The following ZFHX3 variants were observed in gnomAD, a reference collection of about 807,000 sequenced individuals.
ZFHX3 encodes the protein zinc finger homeobox protein 3.
ZFHX3 carries 42 observed loss-of-function variants against 279.1 expected under a neutral mutation model. That is an observed-to-expected ratio of 0.15 (90% CI 0.12 to 0.19). The LOEUF (loss-of-function observed/expected upper bound fraction) is 0.19, where lower values mean the gene tolerates loss of function less well. Among genes scored for constraint, ZFHX3 ranks in the 10% least tolerant of loss-of-function variants. ZFHX3 has a pLI of 1.00. For missense variants in ZFHX3, 4,981 were observed against 4,754.0 expected, an observed-to-expected ratio of 1.05 and a Z score of -1.40; for synonymous variants, 2,293 against 1,957.8, an observed-to-expected ratio of 1.17 and a Z score of -4.52.
Position 73,260,062 on chromosome 16 carries a change from G to C in ZFHX3, c.-1193-2926C>G, listed in dbSNP as rs528040085. Among the ~76,000 whole-genome samples, 26 of 152,054 alleles carry C rather than the reference G, an allele frequency of 1.7e-4. No individual in the cohort carries two copies. In the South Asian group the frequency reaches 5.4e-3, roughly 32 times the overall value. On this transcript the variant is annotated intron_variant, in intron 4 of 17. Transcript: ENST00000641206. The stretch of plus-strand genomic sequence containing the variant: ...TGTCAAGTCTCTTCAATTTCATTTA[G>C]CATGGAATAATTCTTTAGTCCTTTT...
chr16:73,460,615 A>ATTT, intron 2 of ZFHX3, among the ~76,000 whole-genome samples: 1 of 152,202 alleles, frequency 6.6e-6, no homozygotes, highest in East Asian at 1.9e-4. Flanking sequence ...AAGTCACTTG[A>ATTT]TTTTTCTGCA....
At chr16:73,084,000 A>G (rs1454206488) in intron 8 of ZFHX3, among the ~76,000 whole-genome samples, 1 of 152,168 alleles carries the variant, frequency 6.6e-6, no homozygotes, top group African/African-American at 2.4e-5. Context: ...GACATTTGGA[A>G]GTGTCTGGAG....
chr16:72,800,457 T>A (rs2036062167), intron 7 of ZFHX3, among the ~76,000 whole-genome samples: 1 of 152,184 alleles, frequency 6.6e-6, no homozygotes, highest in Non-Finnish European at 1.5e-5. Context: ...ACCAATTAGG[T>A]AGATAAGTTG....
upstream of ZFHX3, among the ~76,000 whole-genome samples, chr16:73,064,038 C>A (rs1475831388): frequency 6.6e-6 from 1 of 152,150 alleles, no homozygotes; most frequent in Non-Finnish European, 1.5e-5. Flanking sequence ...TGAGAACGAG[C>A]TTCCCAAATC....
At chr16:73,627,678 G>C (rs2052431173) in intron 2 of ZFHX3, among the ~76,000 whole-genome samples, 1 of 152,206 alleles carries the variant, frequency 6.6e-6, no homozygotes, top group Non-Finnish European at 1.5e-5. Flanking sequence ...CAGCACTATG[G>C]GAGGCCGAGG....
intron 3 of ZFHX3, among the ~76,000 whole-genome samples, chr16:73,361,380 C>T (rs554411000): frequency 2.0e-5 from 3 of 152,314 alleles, no homozygotes; most frequent in Admixed American, 6.5e-5. Context: ...TTGGCTTGAG[C>T]GATGAGAGAG....
At chr16:73,814,534 A>C (rs2019175) in intron 1 of ZFHX3, among the ~76,000 whole-genome samples, 5 of 151,856 alleles carry the variant, frequency 3.3e-5, no homozygotes, top group African/African-American at 1.2e-4. Context: ...TTGTTTAAGA[A>C]AGCTTAACAC....
intron 1 of ZFHX3, among the ~76,000 whole-genome samples, chr16:73,704,359 T>C (rs77446232): frequency 0.063 from 9,597 of 152,192 alleles, 338 homozygotes; most frequent in East Asian, 0.1. Context: ...GAACAAGAAA[T>C]TGCTCTTACA....
intron 8 of ZFHX3, among the ~76,000 whole-genome samples, chr16:73,076,836 G>A (rs957932755): frequency 1.2e-4 from 18 of 152,064 alleles, no homozygotes; most frequent in East Asian, 1.9e-4. Context: ...ATGGCTGTGC[G>A]CAGCGGCATT....
chr16:72,889,765 G>A lies in ZFHX3; in HGVS notation c.3414C>T (p.Ile1138=), dbSNP rs2144073216. The A allele has an allele frequency of 2.5e-6, 4 of 1,612,988 alleles. No homozygotes were observed. Among genetic ancestry groups the A allele is most frequent in the Non-Finnish European group, 2.5e-6 (3 of 1,180,032 alleles). ...LPEEDEDLGQ[I]FTIRRCPSTD... ...TGGAGGGGCACCTGCGGATGGTGAAGATCTGCCCCAGGTCCTCGTCCTCCT... is the reference window on the plus strand; with the variant it reads ...TGGAGGGGCACCTGCGGATGGTGAAAATCTGCCCCAGGTCCTCGTCCTCCT... The change falls in exon 4 of 10, where the codon ATC becomes ATT. Residue 1138 remains isoleucine (I), a synonymous_variant. Transcript: ENST00000268489.
At chr16:72,902,310 C>A (rs1324575451) in intron 3 of ZFHX3, among the ~76,000 whole-genome samples, 1 of 152,176 alleles carries the variant, frequency 6.6e-6, no homozygotes, top group Non-Finnish European at 1.5e-5. Context: ...CAAGATAATG[C>A]ATGGAGTAAG....
intron 8 of ZFHX3, among the ~76,000 whole-genome samples, chr16:73,091,522 T>C (rs1966082052): frequency 1.3e-5 from 2 of 152,104 alleles, no homozygotes; most frequent in South Asian, 2.1e-4. Context: ...TAGCCTGAGG[T>C]TGGCTATGTC....
chr16:73,444,439 GT>G (rs1193165721), intron 3 of ZFHX3, among the ~76,000 whole-genome samples: 2 of 152,110 alleles, frequency 1.3e-5, no homozygotes, highest in African/African-American at 4.8e-5. Context: ...AATCTTTTAA[GT>G]TTTTTTCCCT....
At chr16:73,842,301 C>G (rs1349989082) in intron 1 of ZFHX3, among the ~76,000 whole-genome samples, 1 of 152,004 alleles carries the variant, frequency 6.6e-6, no homozygotes, top group Non-Finnish European at 1.5e-5. Context: ...CTTCCTGCCA[C>G]CAGGGGAAAT....
intron 1 of ZFHX3, among the ~76,000 whole-genome samples, chr16:73,682,697 G>T: frequency 6.6e-6 from 1 of 151,848 alleles, no homozygotes; most frequent in East Asian, 1.9e-4. Flanking sequence ...TGAGGCAGGA[G>T]AATCACCTGA....
chr16:73,290,463 A>T (rs1476529819), intron 4 of ZFHX3, among the ~76,000 whole-genome samples: 1 of 152,210 alleles, frequency 6.6e-6, no homozygotes, highest in Non-Finnish European at 1.5e-5. Context: ...GGCCTGTTTA[A>T]TGCAACAGAA....
At chr16:73,246,062 T>G (rs543004751) in intron 5 of ZFHX3, among the ~76,000 whole-genome samples, 2 of 152,216 alleles carry the variant, frequency 1.3e-5, no homozygotes, top group Non-Finnish European at 2.9e-5. Context: ...GAAGCTCCAC[T>G]CCTGTGAGCA....
chr16:73,681,828 C>T (rs1260058890), intron 1 of ZFHX3, among the ~76,000 whole-genome samples: 2 of 152,176 alleles, frequency 1.3e-5, no homozygotes, highest in Non-Finnish European at 2.9e-5. Flanking sequence ...GCATTTCTTC[C>T]TAAGATAAGC....
At chr16:73,137,607 T>C (rs896371992) in intron 6 of ZFHX3, 5 of 152,162 alleles carry the variant, frequency 3.3e-5, no homozygotes, top group African/African-American at 1.2e-4. Context: ...TTTATTTCTT[T>C]TAGGTGCCCA....
Sources: allele counts gnomAD v4.1 joint callset (sites outside exome capture counted in the v4.1 genomes callset), GRCh38; gene constraint gnomAD v4.1.1; transcripts MANE v1.5; gene names NCBI Gene and HGNC (gene_info 2026-07-23, HGNC 2026-07-21).